Variants in ROBO2 observed in about 807,000 individuals in gnomAD.
ROBO2 encodes roundabout guidance receptor 2, also known as roundabout homolog 2.
In ROBO2, 53 loss-of-function variants were observed where a neutral mutation model predicts 160.8. The observed-to-expected ratio is 0.33, with a 90% CI of 0.26 to 0.41. The LOEUF (loss-of-function observed/expected upper bound fraction) is 0.41, where lower values mean the gene tolerates loss of function less well. Ranked by LOEUF, ROBO2 falls within the 10% of genes least tolerant of loss-of-function variation. The probability of loss-of-function intolerance (pLI) is 1.00; values close to 1 mark genes in which losing one functional copy is unlikely to be tolerated. For synonymous variants in ROBO2, 664 were observed against 611.7 expected (o/e 1.09, Z -1.26); for missense variants, 1,577 against 1,722.4 (o/e 0.92, Z 1.49).
intron 2 of ROBO2, among the ~76,000 whole-genome samples, chr3:76,613,588 G>GA (rs1314574961): frequency 1.3e-5 from 2 of 151,560 alleles, no homozygotes; most frequent in Non-Finnish European, 2.9e-5. Context: ...CCTAAGTGCA[G>GA]AGAGAAGACG....
chr3:77,146,526 T>C (rs936958045), intron 2 of ROBO2, among the ~76,000 whole-genome samples: 1 of 152,132 alleles, frequency 6.6e-6, no homozygotes, highest in Non-Finnish European at 1.5e-5. Flanking sequence ...TTCAATTACA[T>C]AGAGAATTAT....
intron 1 of ROBO2, among the ~76,000 whole-genome samples, chr3:75,911,428 C>T (rs1946575338): frequency 6.6e-6 from 1 of 151,910 alleles, no homozygotes; most frequent in Non-Finnish European, 1.5e-5. Context: ...TAATGATTTG[C>T]TTCTTAGAAC....
intron 2 of ROBO2, among the ~76,000 whole-genome samples, chr3:76,042,350 GA>G (rs1446628628): frequency 4.6e-5 from 7 of 151,992 alleles, no homozygotes; most frequent in Admixed American, 3.9e-4. Flanking sequence ...AGGTATGTGC[GA>G]ATATCAGAGA....
chr3:76,042,818 A>C (rs769477839), intron 2 of ROBO2, among the ~76,000 whole-genome samples: 7 of 152,088 alleles, frequency 4.6e-5, no homozygotes, highest in Non-Finnish European at 1.0e-4. Context: ...CCACCGGTGC[A>C]TGCAGCCCCT....
intron 6 of ROBO2, among the ~76,000 whole-genome samples, chr3:77,529,373 G>T (rs1327044837): frequency 6.6e-6 from 1 of 151,558 alleles, no homozygotes; most frequent in African/African-American, 2.4e-5. Flanking sequence ...CAATAGAAAG[G>T]ATGACAGTAG....
chr3:76,752,671 GAA>G (rs995689615), intron 2 of ROBO2, among the ~76,000 whole-genome samples: 3 of 151,858 alleles, frequency 2.0e-5, no homozygotes, highest in African/African-American at 2.4e-5. Flanking sequence ...GGTTTGCTAT[GAA>G]AAAGAGTTTC....
At chr3:76,066,905 G>T (rs982292545) in intron 2 of ROBO2, among the ~76,000 whole-genome samples, 7 of 152,024 alleles carry the variant, frequency 4.6e-5, no homozygotes, top group Non-Finnish European at 8.8e-5. Flanking sequence ...TTGGAATCTG[G>T]CTGTTATCTT....
At position 77,066,899 on chromosome 3, in the gene ROBO2, T is replaced by C. The variant is rs534548025; in HGVS notation, c.61+26053T>C. 1.9e-3 allele frequency among the ~76,000 whole-genome samples: 285 copies of C among 152,116 alleles called. 1 individual carries two copies. The highest frequency in any genetic ancestry group is 3.3e-3 in the Non-Finnish European group (222 of 67,994). On this transcript the variant is annotated intron_variant, in intron 1 of 25. Coordinates refer to ENST00000461745, the Ensembl canonical transcript of ROBO2. Reference sequence around the variant, plus strand: ...CACTACTTTTAAAAATCAACACCCATTTTTAGTTTGCAAATGTTTGACTCT... The same window carrying C: ...CACTACTTTTAAAAATCAACACCCACTTTTAGTTTGCAAATGTTTGACTCT...
At position 77,164,863 on chromosome 3, in the gene ROBO2, AG is replaced by A. The variant is rs1451004318; in HGVS notation, c.388+66524del. Among the ~76,000 whole-genome samples, 19 of 53,230 alleles carry A rather than the reference AG, an allele frequency of 3.6e-4. 2 individuals are homozygous for A. Among genetic ancestry groups the A allele is most frequent in the Non-Finnish European group, 6.3e-5 (1 of 15,914 alleles). 34.9% of individuals were successfully genotyped at this position (53,230 alleles called of 152,430 possible). ...AAGTGAGGAGCCCCTCAGCCCGGCC[AG>A]CCACCCCGTCCGGGAGGGAGGTGGG... On this transcript the variant is annotated intron_variant, in intron 2 of 25. Coordinates refer to ENST00000461745, the Ensembl canonical transcript of ROBO2.
intron 2 of ROBO2, among the ~76,000 whole-genome samples, chr3:76,269,933 T>G (rs548233339): frequency 1.3e-5 from 2 of 152,090 alleles, no homozygotes; most frequent in Admixed American, 1.3e-4. Flanking sequence ...GGAAAGAAAT[T>G]TGACTCTGGG....
At chr3:76,572,022 T>C (rs979477463) in intron 2 of ROBO2, among the ~76,000 whole-genome samples, 6 of 152,154 alleles carry the variant, frequency 3.9e-5, no homozygotes, top group Non-Finnish European at 7.4e-5. Context: ...AATGTAGTCA[T>C]ATAAATGTTA....
At chr3:76,871,022 CAAT>C (rs1202305252) in intron 2 of ROBO2, among the ~76,000 whole-genome samples, 1 of 152,140 alleles carries the variant, frequency 6.6e-6, no homozygotes, top group Non-Finnish European at 1.5e-5. Context: ...CAACGAACAA[CAAT>C]GATAGCATGA....
chr3:76,450,924 T>C (rs1417140520), intron 2 of ROBO2, among the ~76,000 whole-genome samples: 1 of 152,214 alleles, frequency 6.6e-6, no homozygotes, highest in East Asian at 1.9e-4. Flanking sequence ...CAGGTTGTCC[T>C]GTGGTAGCAT....
chr3:76,222,225 A>G (rs1704011035), intron 2 of ROBO2, among the ~76,000 whole-genome samples: 1 of 152,120 alleles, frequency 6.6e-6, no homozygotes, highest in Non-Finnish European at 1.5e-5. Flanking sequence ...GTTTGCAGCA[A>G]CTTCAGTTCT....
chr3:77,199,621 T>G (rs1487425361), intron 2 of ROBO2, among the ~76,000 whole-genome samples: 10 of 37,410 alleles, frequency 2.7e-4, no homozygotes, highest in African/African-American at 9.1e-4. Flanking sequence ...TCAGTCACCA[T>G]TTTTTTTTTT....
At chr3:77,214,734 T>C (rs1304139696) in intron 2 of ROBO2, among the ~76,000 whole-genome samples, 3 of 152,182 alleles carry the variant, frequency 2.0e-5, no homozygotes, top group Non-Finnish European at 2.9e-5. Flanking sequence ...TTCCTTTCCA[T>C]GTTTAGTGCT....
At chr3:77,277,362 T>C (rs1232076748) in intron 2 of ROBO2, among the ~76,000 whole-genome samples, 1 of 151,932 alleles carries the variant, frequency 6.6e-6, no homozygotes, top group Admixed American at 6.6e-5. Flanking sequence ...TAGGTAAATG[T>C]GTGCCATGGT....
chr3:76,287,356 C>T (rs527959703), intron 2 of ROBO2, among the ~76,000 whole-genome samples: 1 of 150,898 alleles, frequency 6.6e-6, no homozygotes, highest in South Asian at 2.1e-4. Context: ...AATGCAGTGG[C>T]ACAATCTCGG....
At chr3:76,164,053 C>T (rs2072737849) in intron 2 of ROBO2, among the ~76,000 whole-genome samples, 1 of 152,154 alleles carries the variant, frequency 6.6e-6, no homozygotes, top group Non-Finnish European at 1.5e-5. Context: ...CTCTGCTTTG[C>T]CAACTAAGTT....
Sources: allele counts gnomAD v4.1 joint callset (sites outside exome capture counted in the v4.1 genomes callset), GRCh38; gene constraint gnomAD v4.1.1; transcripts MANE v1.5; gene names NCBI Gene and HGNC (gene_info 2026-07-23, HGNC 2026-07-21).